SLC24A3: variants seen among roughly 807,000 people sequenced by gnomAD.
The protein encoded by SLC24A3 is sodium/potassium/calcium exchanger 3.
Under a neutral mutation model 75.8 loss-of-function variants are expected in SLC24A3, and 28 were observed. The ratio of observed to expected loss-of-function variants is 0.37; its 90% CI spans 0.27 to 0.51. SLC24A3 has a LOEUF of 0.51. SLC24A3 is among the 20% of genes least tolerant of loss of function. The pLI, the probability that SLC24A3 is intolerant of heterozygous loss-of-function variation, is 0.94. For missense variants in SLC24A3, 663 were observed against 847.8 expected, an observed-to-expected ratio of 0.78 and a Z score of 2.71; for synonymous variants, 372 against 334.1, an observed-to-expected ratio of 1.11 and a Z score of -1.24.
At chr20:19,241,946 T>G (rs1389001965) in intron 1 of SLC24A3, among the ~76,000 whole-genome samples, 1 of 152,164 alleles carries the variant, frequency 6.6e-6, no homozygotes, top group African/African-American at 2.4e-5. Context: ...GTGAACTTGA[T>G]CACATCGGGC....
intron 3 of SLC24A3, among the ~76,000 whole-genome samples, chr20:19,526,711 C>T (rs1568644933): frequency 6.6e-6 from 1 of 152,196 alleles, no homozygotes; most frequent in African/African-American, 2.4e-5. Flanking sequence ...GTTAGACTTC[C>T]TGGGTTCAAA....
intron 3 of SLC24A3, among the ~76,000 whole-genome samples, chr20:19,531,981 A>G (rs922972992): frequency 2.0e-5 from 3 of 152,140 alleles, no homozygotes; most frequent in Non-Finnish European, 4.4e-5. Context: ...GAAATTAAGC[A>G]ACTTGCCCAA....
chr20:19,646,339 ATTTGAGATATGC>A (rs1436485549), intron 6 of SLC24A3, among the ~76,000 whole-genome samples: 1 of 152,180 alleles, frequency 6.6e-6, no homozygotes, highest in African/African-American at 2.4e-5. Context: ...CCCATGTGAT[ATTTGAGATATGC>A]TTATCTCAAA....
chr20:19,287,206 A>T (rs886539133), intron 2 of SLC24A3, among the ~76,000 whole-genome samples: 1 of 152,238 alleles, frequency 6.6e-6, no homozygotes, highest in Non-Finnish European at 1.5e-5. Flanking sequence ...GGACTCCAGA[A>T]CCTTCTATCT....
At chr20:19,697,301 A>G (rs1273398467) in intron 14 of SLC24A3, among the ~76,000 whole-genome samples, 1 of 152,212 alleles carries the variant, frequency 6.6e-6, no homozygotes, top group Non-Finnish European at 1.5e-5. Context: ...CCTATTATTC[A>G]AAGTAGTAGG....
chr20:19,592,758 A>G (rs1361557560), intron 6 of SLC24A3, among the ~76,000 whole-genome samples: 1 of 150,456 alleles, frequency 6.6e-6, no homozygotes, highest in Non-Finnish European at 1.5e-5. Context: ...TCTGAAACTC[A>G]CTGCCTACAT....
At chr20:19,554,525 T>G (rs2030751996) in intron 3 of SLC24A3, among the ~76,000 whole-genome samples, 1 of 152,230 alleles carries the variant, frequency 6.6e-6, no homozygotes, top group Non-Finnish European at 1.5e-5. Flanking sequence ...GAGCATTACA[T>G]AATTTCAGAA....
intron 2 of SLC24A3, among the ~76,000 whole-genome samples, chr20:19,512,838 G>C (rs1158825946): frequency 6.6e-6 from 1 of 152,216 alleles, no homozygotes; most frequent in African/African-American, 2.4e-5. Context: ...GAGCTAACTG[G>C]ATGCCACATA....
At chr20:19,711,615 C>G (rs1356326871) in intron 15 of SLC24A3, among the ~76,000 whole-genome samples, 1 of 152,248 alleles carries the variant, frequency 6.6e-6, no homozygotes, top group East Asian at 1.9e-4. Context: ...CACACACACC[C>G]ATGCTCAGAA....
chr20:19,623,160 A>G (rs2031826245), intron 6 of SLC24A3, among the ~76,000 whole-genome samples: 1 of 152,224 alleles, frequency 6.6e-6, no homozygotes, highest in African/African-American at 2.4e-5. Flanking sequence ...AAACAAAAAA[A>G]GCTATCAAAT....
chr20:19,583,712 T>C (rs1389112027), intron 4 of SLC24A3, among the ~76,000 whole-genome samples: 1 of 152,148 alleles, frequency 6.6e-6, no homozygotes, highest in Non-Finnish European at 1.5e-5. Flanking sequence ...CGGCAAACCA[T>C]ACAGGGAGCT....
At position 19,687,962 on chromosome 20, in the gene SLC24A3, A is replaced by T. The variant is rs1340093788; in HGVS notation, c.1324+2601A>T. On this transcript the variant is annotated intron_variant, in intron 12 of 16. Coordinates refer to ENST00000328041, the MANE Select transcript of SLC24A3 (RefSeq NM_020689.4). ...TCACCCCCAACAGATGCTTCACCTGAGGCTCAGGAACCCCACATCCCCTCC... is the reference window on the plus strand; with the variant it reads ...TCACCCCCAACAGATGCTTCACCTGTGGCTCAGGAACCCCACATCCCCTCC... 7.2e-5 allele frequency among the ~76,000 whole-genome samples: 11 copies of T among 152,136 alleles called. No individual in the cohort carries two copies. In the East Asian group the frequency reaches 2.1e-3, roughly 29 times the overall value.
intron 2 of SLC24A3, among the ~76,000 whole-genome samples, chr20:19,470,433 C>CTG (rs1438136458): frequency 8.5e-5 from 13 of 152,156 alleles, no homozygotes; most frequent in African/African-American, 2.9e-4. Flanking sequence ...GCCCAAGAAT[C>CTG]AACAGAGTGT....
At chr20:19,429,911 A>G (rs1987072036) in intron 2 of SLC24A3, among the ~76,000 whole-genome samples, 1 of 152,140 alleles carries the variant, frequency 6.6e-6, no homozygotes, top group South Asian at 2.1e-4. Context: ...ATCTCGAGCT[A>G]CAGTGGGAAA....
At chr20:19,286,333 G>A (rs1238756044) in intron 2 of SLC24A3, among the ~76,000 whole-genome samples, 1 of 152,126 alleles carries the variant, frequency 6.6e-6, no homozygotes, top group Non-Finnish European at 1.5e-5. Context: ...TTCAAGGGGT[G>A]CCTGTGGTCC....
intron 6 of SLC24A3, among the ~76,000 whole-genome samples, chr20:19,604,606 C>A (rs967070941): frequency 6.6e-6 from 1 of 152,086 alleles, no homozygotes; most frequent in East Asian, 1.9e-4. Context: ...GAGTCAGAAC[C>A]CCCAGTGTTA....
At chr20:19,422,924 T>C (rs945469582) in intron 2 of SLC24A3, among the ~76,000 whole-genome samples, 1 of 152,206 alleles carries the variant, frequency 6.6e-6, no homozygotes, top group South Asian at 2.1e-4. Flanking sequence ...ATAAGTGTAA[T>C]TGATTAGTAA....
chr20:19,214,873 C>T (rs917085477), intron 1 of SLC24A3, among the ~76,000 whole-genome samples: 5 of 152,136 alleles, frequency 3.3e-5, no homozygotes, highest in Admixed American at 1.3e-4. Flanking sequence ...CTCTCACTTC[C>T]TCTTCCTCCC....
intron 2 of SLC24A3, among the ~76,000 whole-genome samples, chr20:19,322,678 C>G (rs929637518): frequency 3.3e-5 from 5 of 152,108 alleles, no homozygotes; most frequent in Admixed American, 3.3e-4. Context: ...TGGTCTTAAA[C>G]ACATAGTGCT....
Sources: allele counts gnomAD v4.1 joint callset (sites outside exome capture counted in the v4.1 genomes callset), GRCh38; gene constraint gnomAD v4.1.1; transcripts MANE v1.5; gene names NCBI Gene and HGNC (gene_info 2026-07-23, HGNC 2026-07-21).